TECRL: variants seen among roughly 807,000 people sequenced by gnomAD.
The protein encoded by TECRL is trans-2,3-enoyl-CoA reductase-like.
A neutral mutation model predicts 52.8 loss-of-function variants in TECRL; 63 were observed. The observed-to-expected ratio is 1.19, with a 90% CI of 0.97 to 1.47. The LOEUF (loss-of-function observed/expected upper bound fraction) is 1.47. TECRL is among the 40% of genes most tolerant of loss of function. The pLI, the probability that TECRL is intolerant of heterozygous loss-of-function variation, is 0.00. For synonymous variants in TECRL, 164 were observed against 141.9 expected (o/e 1.16, Z -1.10); for missense variants, 482 against 429.6 (o/e 1.12, Z -1.08).
intron 4 of TECRL, among the ~76,000 whole-genome samples, chr4:64,315,094 C>T (rs1717403304): frequency 6.6e-6 from 1 of 152,010 alleles, no homozygotes; most frequent in African/African-American, 2.4e-5. Context: ...CACACTTAAT[C>T]TTCTGTATAA....
At chr4:64,399,880 G>A (rs1241312027) in intron 1 of TECRL, among the ~76,000 whole-genome samples, 2 of 152,154 alleles carry the variant, frequency 1.3e-5, no homozygotes, top group African/African-American at 4.8e-5. Context: ...AGCCATCATG[G>A]AGAACCACTA....
At chr4:64,394,432 G>A (rs1039491236) in intron 1 of TECRL, among the ~76,000 whole-genome samples, 4 of 152,114 alleles carry the variant, frequency 2.6e-5, no homozygotes, top group African/African-American at 9.7e-5. Flanking sequence ...CCTCCAGAAT[G>A]TATTCATTCC....
downstream of TECRL, chr4:64,277,089 T>G: frequency 7.0e-7 from 1 of 1,420,912 alleles, no homozygotes; most frequent in Middle Eastern, 1.8e-4. Context: ...AAAAAACACA[T>G]TTCATAATTA....
Position 64,279,787 on chromosome 4 carries a change from C to A in TECRL, c.*285G>T, listed in dbSNP as rs763804699. 317 of 997,352 alleles carry A rather than the reference C, an allele frequency of 3.2e-4. No individual in the cohort carries two copies. Among genetic ancestry groups the A allele is most frequent in the Non-Finnish European group, 3.7e-4 (309 of 838,364 alleles). The allele number at this position is 997,352 out of a possible 1,614,324, so 61.8% of individuals were successfully genotyped here. ...TTTTGCTGTGGTATTTTGTCTTATG[C>A]AAATAGTATTGTGAAGTATTAATGA... On this transcript the variant is annotated 3_prime_UTR_variant, in exon 12 of 12. Transcript: ENST00000381210.
At chr4:64,396,798 G>C (rs999137875) in intron 1 of TECRL, among the ~76,000 whole-genome samples, 4 of 151,984 alleles carry the variant, frequency 2.6e-5, no homozygotes, top group Non-Finnish European at 5.9e-5. Context: ...TTTCACATTT[G>C]AGTCTTTACT....
At chr4:64,405,529 T>A (rs1724649696) in intron 1 of TECRL, among the ~76,000 whole-genome samples, 1 of 152,110 alleles carries the variant, frequency 6.6e-6, no homozygotes, top group Non-Finnish European at 1.5e-5. Context: ...GACCAAGTGG[T>A]CAGTTTTAGA....
intron 1 of TECRL, among the ~76,000 whole-genome samples, chr4:64,406,160 G>A (rs1480027504): frequency 6.7e-6 from 1 of 148,430 alleles, no homozygotes; most frequent in South Asian, 2.2e-4. Flanking sequence ...GCGCGCGCGC[G>A]CGCGCGTGTG....
intron 1 of TECRL, among the ~76,000 whole-genome samples, chr4:64,386,778 T>G (rs1723202912): frequency 6.6e-6 from 1 of 152,192 alleles, no homozygotes; most frequent in African/African-American, 2.4e-5. Context: ...ATAGGCTTCA[T>G]TTTAGAGCAG....
chr4:64,276,398 A>G (rs1304997798), downstream of TECRL: 1 of 151,910 alleles, frequency 6.6e-6, no homozygotes, highest in Non-Finnish European at 1.5e-5. Context: ...TATTACTTCA[A>G]TAAGTAACTG....
At chr4:64,314,206 T>C (rs1169015083) in intron 5 of TECRL, among the ~76,000 whole-genome samples, 1 of 151,750 alleles carries the variant, frequency 6.6e-6, no homozygotes, top group East Asian at 1.9e-4. Flanking sequence ...AAAAGTAACT[T>C]GTAAACTTTT....
intron 8 of TECRL, among the ~76,000 whole-genome samples, chr4:64,294,079 C>T (rs1378142430): frequency 1.3e-5 from 2 of 151,510 alleles, no homozygotes; most frequent in East Asian, 1.9e-4. Flanking sequence ...CTCTGCCTCC[C>T]GGGCTCAAGC....
chr4:64,316,127 G>C (rs574356667), intron 4 of TECRL, among the ~76,000 whole-genome samples: 1 of 152,000 alleles, frequency 6.6e-6, no homozygotes, highest in Non-Finnish European at 1.5e-5. Context: ...AACACCAATT[G>C]ATCTAGTGAA....
chr4:64,298,576 T>C (rs1723822133), intron 8 of TECRL, among the ~76,000 whole-genome samples: 2 of 151,218 alleles, frequency 1.3e-5, no homozygotes, highest in East Asian at 3.9e-4. Flanking sequence ...AGTATTATCA[T>C]ACACATTTGA....
intron 2 of TECRL, among the ~76,000 whole-genome samples, chr4:64,362,713 A>T (rs1721281878): frequency 6.6e-6 from 1 of 152,162 alleles, no homozygotes; most frequent in African/African-American, 2.4e-5. Flanking sequence ...AAACATGGAA[A>T]TGAAAGACCA....
At chr4:64,373,711 A>T (rs923702903) in intron 2 of TECRL, among the ~76,000 whole-genome samples, 1 of 151,636 alleles carries the variant, frequency 6.6e-6, no homozygotes, top group East Asian at 1.9e-4. Context: ...ACTTTATATT[A>T]AAAAGTCATT....
intron 2 of TECRL, among the ~76,000 whole-genome samples, chr4:64,338,615 G>A (rs988763529): frequency 1.3e-5 from 2 of 152,010 alleles, no homozygotes; most frequent in Non-Finnish European, 2.9e-5. Context: ...ATCAAAAAGT[G>A]GGCAAAGGAT....
At chr4:64,345,598 T>C (rs538408688) in intron 2 of TECRL, among the ~76,000 whole-genome samples, 7 of 150,274 alleles carry the variant, frequency 4.7e-5, no homozygotes, top group African/African-American at 1.5e-4. Context: ...ATACCTAATG[T>C]TAAATGATGA....
intron 5 of TECRL, among the ~76,000 whole-genome samples, chr4:64,313,851 T>TG (rs1364595599): frequency 2.7e-5 from 4 of 148,478 alleles, no homozygotes; most frequent in Non-Finnish European, 6.0e-5. Flanking sequence ...AAGTAACTTG[T>TG]GGCCGGGCGT....
intron 2 of TECRL, among the ~76,000 whole-genome samples, chr4:64,331,384 C>T (rs1419330230): frequency 6.6e-6 from 1 of 152,076 alleles, no homozygotes; most frequent in Middle Eastern, 3.4e-3. Context: ...GGACATCTGG[C>T]CCTAGAAAAA....
Sources: gnomAD v4.1 joint callset for allele counts (sites outside exome capture counted in the v4.1 genomes callset) on GRCh38, gnomAD v4.1.1 for gene constraint, MANE v1.5 for transcripts, NCBI Gene and HGNC (gene_info 2026-07-23, HGNC 2026-07-21) for gene names.